Variants in SLC24A2 observed in about 807,000 individuals in gnomAD.
SLC24A2 encodes sodium/potassium/calcium exchanger 2.
A neutral mutation model predicts 62.0 loss-of-function variants in SLC24A2; 36 were observed. The ratio of observed to expected loss-of-function variants is 0.58; its 90% CI spans 0.44 to 0.77. The LOEUF (loss-of-function observed/expected upper bound fraction) is 0.77. Among genes scored for constraint, SLC24A2 ranks in the 30% least tolerant of loss-of-function variants. The probability of loss-of-function intolerance (pLI) is 0.00; values close to 1 mark genes in which losing one functional copy is unlikely to be tolerated. For missense variants in SLC24A2, 846 were observed against 817.9 expected (o/e 1.03, Z -0.42); for synonymous variants, 358 against 294.0 (o/e 1.22, Z -2.23).
chr9:19,836,643 A>G, the SLC24A2 span, among the ~76,000 whole-genome samples: 2 of 152,246 alleles, frequency 1.3e-5, no homozygotes, highest in East Asian at 3.8e-4. Flanking sequence ...GAATTCTACC[A>G]GAGGTACAAG....
At chr9:20,302,977 G>C in the SLC24A2 span, among the ~76,000 whole-genome samples, 9 of 152,112 alleles carry the variant, frequency 5.9e-5, no homozygotes, top group Non-Finnish European at 5.9e-5. Flanking sequence ...GAGAAATGGA[G>C]TCTCAATCTT....
chr9:20,307,800 T>G, the SLC24A2 span, among the ~76,000 whole-genome samples: 2 of 152,076 alleles, frequency 1.3e-5, no homozygotes, highest in African/African-American at 2.4e-5. Flanking sequence ...TTGCAGAAGG[T>G]GCTGGGATAA....
chr9:20,149,306 G>A, the SLC24A2 span, among the ~76,000 whole-genome samples: 1 of 151,976 alleles, frequency 6.6e-6, no homozygotes, highest in Non-Finnish European at 1.5e-5. Flanking sequence ...CACAACCACT[G>A]TAATAATGCA....
the SLC24A2 span, among the ~76,000 whole-genome samples, chr9:19,961,353 G>A: frequency 6.6e-6 from 1 of 152,124 alleles, no homozygotes; most frequent in Non-Finnish European, 1.5e-5. Context: ...TCCAAAACTG[G>A]ATTCCCTCTC....
chr9:19,735,487 C>T (rs1301641902), intron 2 of SLC24A2, among the ~76,000 whole-genome samples: 1 of 152,046 alleles, frequency 6.6e-6, no homozygotes, highest in African/African-American at 2.4e-5. Context: ...TACCATTTGA[C>T]CCAGCCATCC....
intron 2 of SLC24A2, among the ~76,000 whole-genome samples, chr9:19,761,056 T>C (rs1002887937): frequency 3.3e-5 from 5 of 152,252 alleles, no homozygotes; most frequent in African/African-American, 1.2e-4. Flanking sequence ...TAACTTAAAG[T>C]ATAATAAAAA....
chr9:19,819,822 A>T, the SLC24A2 span, among the ~76,000 whole-genome samples: 618 of 151,774 alleles, frequency 4.1e-3, 3 homozygotes, highest in African/African-American at 0.014. Context: ...TAAAAGTAGA[A>T]CTACCATTTG....
chr9:19,913,343 T>A, the SLC24A2 span, among the ~76,000 whole-genome samples: 1 of 152,100 alleles, frequency 6.6e-6, no homozygotes, highest in African/African-American at 2.4e-5. Context: ...AGTAGTCACA[T>A]AAATCACTCT....
chr9:20,198,989 T>G, the SLC24A2 span, among the ~76,000 whole-genome samples: 1 of 151,990 alleles, frequency 6.6e-6, no homozygotes, highest in Non-Finnish European at 1.5e-5. Context: ...GAGGCACCTC[T>G]TTTTTTTGGA....
Position 19,515,833 on chromosome 9 carries a change from G to T in SLC24A2, c.*320C>A, listed in dbSNP as rs1832899493. Reference sequence around the variant, plus strand: ...TATATTTATAATATGTGTATTTATAGATATATATAGCCTGTGTCCTTGTTT... The same window carrying T: ...TATATTTATAATATGTGTATTTATATATATATATAGCCTGTGTCCTTGTTT... On this transcript the variant is annotated 3_prime_UTR_variant, in exon 11 of 11. Coordinates refer to ENST00000341998, the MANE Select transcript of SLC24A2 (RefSeq NM_020344.4). The T allele has an allele frequency of 2.7e-6, 1 of 372,456 alleles. No homozygotes were observed. Among genetic ancestry groups the T allele is most frequent in the Non-Finnish European group, 5.2e-6 (1 of 193,552 alleles). 23.1% of individuals were successfully genotyped at this position (372,456 alleles called of 1,614,324 possible).
the SLC24A2 span, among the ~76,000 whole-genome samples, chr9:20,281,116 G>A: frequency 2.0e-5 from 3 of 151,840 alleles, no homozygotes; most frequent in Non-Finnish European, 4.4e-5. Context: ...TTTTTGTTGA[G>A]ACAGGGTTTC....
chr9:20,190,318 A>C, the SLC24A2 span, among the ~76,000 whole-genome samples: 1,417 of 152,260 alleles, frequency 9.3e-3, 23 homozygotes, highest in African/African-American at 0.031. Context: ...CAATCCTTTT[A>C]GGGCCCATCC....
At chr9:20,176,843 G>A in the SLC24A2 span, among the ~76,000 whole-genome samples, 2 of 152,040 alleles carry the variant, frequency 1.3e-5, no homozygotes, top group African/African-American at 4.8e-5. Flanking sequence ...TTAAATATAT[G>A]CTTATGAATA....
At chr9:19,690,407 C>T (rs1326094907) in intron 2 of SLC24A2, among the ~76,000 whole-genome samples, 1 of 152,068 alleles carries the variant, frequency 6.6e-6, no homozygotes, top group African/African-American at 2.4e-5. Flanking sequence ...AAGCTGGATA[C>T]TTGACTCAAA....
intron 9 of SLC24A2, among the ~76,000 whole-genome samples, chr9:19,525,790 T>C (rs12352869): frequency 4.5e-5 from 5 of 111,994 alleles, no homozygotes; most frequent in Non-Finnish European, 7.3e-5. Context: ...TTTTTTTTTA[T>C]AGCCAACCTA....
At chr9:19,978,929 G>C in the SLC24A2 span, among the ~76,000 whole-genome samples, 1 of 152,152 alleles carries the variant, frequency 6.6e-6, no homozygotes, top group Non-Finnish European at 1.5e-5. Context: ...CCTGGTGGAA[G>C]AAGACTTAAA....
intron 2 of SLC24A2, among the ~76,000 whole-genome samples, chr9:19,660,372 A>T (rs111802669): frequency 1.3e-5 from 2 of 152,168 alleles, no homozygotes; most frequent in African/African-American, 4.8e-5. Flanking sequence ...CCTTCTTTTA[A>T]CGGGCACCAC....
the SLC24A2 span, among the ~76,000 whole-genome samples, chr9:20,159,983 A>C: frequency 2.6e-5 from 4 of 151,572 alleles, no homozygotes; most frequent in African/African-American, 9.7e-5. Flanking sequence ...TACCTTGCTT[A>C]TTAAAAGAAA....
chr9:20,077,329 CTA>C, the SLC24A2 span, among the ~76,000 whole-genome samples: 1 of 152,072 alleles, frequency 6.6e-6, no homozygotes, highest in Non-Finnish European at 1.5e-5. Flanking sequence ...GAGATGATAA[CTA>C]TGTTAATCTG....
Sources: gnomAD v4.1 joint callset for allele counts (sites outside exome capture counted in the v4.1 genomes callset) on GRCh38, gnomAD v4.1.1 for gene constraint, MANE v1.5 for transcripts, NCBI Gene and HGNC (gene_info 2026-07-23, HGNC 2026-07-21) for gene names.